ALDH1L1: variants seen among roughly 807,000 people sequenced by gnomAD.
ALDH1L1 encodes the protein aldehyde dehydrogenase 1 family member L1.
Under a neutral mutation model 101.1 loss-of-function variants are expected in ALDH1L1, and 68 were observed. The observed-to-expected ratio is 0.67, with a 90% CI of 0.55 to 0.82. The LOEUF (loss-of-function observed/expected upper bound fraction) is 0.82, where lower values mean the gene tolerates loss of function less well. Among genes scored for constraint, ALDH1L1 ranks in the 40% least tolerant of loss-of-function variants. The pLI is 0.00. For synonymous variants in ALDH1L1, 486 were observed against 470.8 expected, an observed-to-expected ratio of 1.03 and a Z score of -0.42; for missense variants, 1,087 against 1,172.7, an observed-to-expected ratio of 0.93 and a Z score of 1.07.
At chr3:126,135,701 C>T in intron 11 of ALDH1L1, 39 bp from the exon 12 acceptor site, 1 of 1,479,558 alleles carries the variant, frequency 6.8e-7, no homozygotes. Flanking sequence ...TCTCCCTAAG[C>T]CAGTTGCACA....
chr3:126,122,919 G>A (rs1415678523), intron 16 of ALDH1L1, among the ~76,000 whole-genome samples: 1 of 152,132 alleles, frequency 6.6e-6, no homozygotes, highest in African/African-American at 2.4e-5. Context: ...AAAAAGACAG[G>A]AGATTCATAG....
rs373953914 is a variant in ALDH1L1, at chr3:126,136,818, G to A, written c.1290C>T (p.Phe430=). Residue 430 remains phenylalanine (F), a synonymous_variant, in exon 11 of 23, where the codon TTC becomes TTT. Transcript: ENST00000393434. ...AGGTCTTGGCGCCCTCGGCATCCAC[G>A]AACTCCCCCCCAATGAAGAGCTGGT... is the stretch of plus-strand genomic sequence containing the variant. ...MPHQLFIGGE[F]VDAEGAKTSE... The A allele has an allele frequency of 7.5e-5, 121 of 1,606,848 alleles. No individual in the cohort carries two copies. The highest frequency in any genetic ancestry group is 5.6e-4 in the East Asian group (25 of 44,760).
chr3:126,123,694 AG>A (rs1172574325), intron 16 of ALDH1L1, among the ~76,000 whole-genome samples: 1 of 152,100 alleles, frequency 6.6e-6, no homozygotes, highest in Admixed American at 6.5e-5. Context: ...AATAAAAGCA[AG>A]GGGGAAACTA....
intron 9 of ALDH1L1, among the ~76,000 whole-genome samples, chr3:126,139,619 C>T (rs936293789): frequency 6.6e-6 from 1 of 152,068 alleles, no homozygotes; most frequent in Non-Finnish European, 1.5e-5. Context: ...TGTCAAATGC[C>T]TTAAATATGT....
At chr3:126,117,830 G>GGGCTCCGCCCAGGCCTCCCCA (rs2080001415) in intron 17 of ALDH1L1, among the ~76,000 whole-genome samples, 175 bp downstream of exon 17, 1 of 151,926 alleles carries the variant, frequency 6.6e-6, no homozygotes, top group Non-Finnish European at 1.5e-5. Flanking sequence ...AGGCCTCCCC[G>GGGCTCCGCCCAGGCCTCCCCA]GGGCTTTGCC....
chr3:126,138,841 C>T (rs1431486714), intron 9 of ALDH1L1, among the ~76,000 whole-genome samples: 1 of 152,218 alleles, frequency 6.6e-6, no homozygotes, highest in Non-Finnish European at 1.5e-5. Context: ...AAAAATGTAT[C>T]CCCTTATCTA....
Position 126,118,116 on chromosome 3 carries a change from G to A in ALDH1L1, c.1889-18C>T. 1 of 1,599,304 alleles carries A rather than the reference G, an allele frequency of 6.3e-7. No individual in the cohort carries two copies. The highest frequency in any genetic ancestry group is 8.6e-7 in the Non-Finnish European group (1 of 1,169,010). ...CAGGGAGCCTGTGGGCGGGAGGGAGGGGGGAATCAGAGTGGTCCCCCTGGT... is the reference window on the plus strand; with the variant it reads ...CAGGGAGCCTGTGGGCGGGAGGGAGAGGGGAATCAGAGTGGTCCCCCTGGT... On this transcript the variant is annotated intron_variant, in intron 16 of 22. Transcript: ENST00000393434.
Position 126,135,522 on chromosome 3 carries a change from G to T in ALDH1L1, c.1472+13C>A. 1 of 1,603,424 alleles carries T rather than the reference G, an allele frequency of 6.2e-7. No homozygotes were observed. The highest frequency in any genetic ancestry group is 8.5e-7 in the Non-Finnish European group (1 of 1,177,248). On this transcript the variant is annotated intron_variant, in intron 12 of 22. Transcript: ENST00000393434. ...TGGTGGCAGTGGCTGGCAGGTACAT[G>T]TTGGGCTCCCACCTGTACATCAGCC...
chr3:126,149,302 C>T (rs2080761055), intron 8 of ALDH1L1, among the ~76,000 whole-genome samples: 1 of 152,244 alleles, frequency 6.6e-6, no homozygotes, highest in South Asian at 2.1e-4. Context: ...TCTCCTCTAC[C>T]AATCCTCCAT....
intron 1 of ALDH1L1, among the ~76,000 whole-genome samples, chr3:126,169,978 A>G (rs2081243719): frequency 6.6e-6 from 1 of 152,194 alleles, no homozygotes; most frequent in East Asian, 1.9e-4. Context: ...ACAGAAATCA[A>G]CTCCTGGATA....
intron 1 of ALDH1L1, among the ~76,000 whole-genome samples, chr3:126,167,602 A>C (rs1487120621): frequency 6.6e-6 from 1 of 152,024 alleles, no homozygotes; most frequent in Non-Finnish European, 1.5e-5. Context: ...TGGCTAGTGC[A>C]CCTTAAGAAA....
intron 17 of ALDH1L1, among the ~76,000 whole-genome samples, chr3:126,116,372 T>G (rs2079972320): frequency 6.6e-6 from 1 of 152,114 alleles, no homozygotes; most frequent in South Asian, 2.1e-4. Context: ...TAGCTGGGAC[T>G]ACAGGCACGT....
chr3:126,114,659 G>A lies in ALDH1L1; in HGVS notation c.1983-3C>T, dbSNP rs1180452061. On this transcript the variant is annotated splice_region_variant and splice_polypyrimidine_tract_variant and intron_variant, in intron 17 of 22. Coordinates refer to ENST00000393434, the MANE Select transcript of ALDH1L1 (RefSeq NM_012190.4). The stretch of plus-strand genomic sequence containing the variant: ...TCTTCACGTTACTTATGGCACAGCT[G>A]CAAGGAACAGAGGGCTGGTGGGGCC... The A allele has an allele frequency of 6.5e-7, 1 of 1,529,446 alleles. No individual in the cohort carries two copies. The highest frequency in any genetic ancestry group is 8.8e-7 in the Non-Finnish European group (1 of 1,138,180). 94.7% of individuals were successfully genotyped at this position (1,529,446 alleles called of 1,614,324 possible).
intron 1 of ALDH1L1, among the ~76,000 whole-genome samples, chr3:126,186,600 C>T (rs1389219961): frequency 6.6e-6 from 1 of 151,916 alleles, no homozygotes; most frequent in Non-Finnish European, 1.5e-5. Flanking sequence ...GGAGATGCGG[C>T]AACTGTGATC....
At chr3:126,183,729 G>A (rs1237763439), upstream of ALDH1L1, among the ~76,000 whole-genome samples, 1 of 152,132 alleles carries the variant, frequency 6.6e-6, no homozygotes. Context: ...GGGGGGAGGC[G>A]CAGTTAATTT....
In ALDH1L1 at chr3:126,108,970, A is replaced by G. The variant is rs1011951860; in HGVS notation, c.2347+974T>C. Among the ~76,000 whole-genome samples the G allele has an allele frequency of 1.6e-4, 24 of 152,316 alleles. 1 individual carries two copies. Among genetic ancestry groups the G allele is most frequent in the South Asian group, 1.2e-3 (6 of 4,828 alleles). The stretch of plus-strand genomic sequence containing the variant: ...TGAATAAAGGATCAGCAGGCTCACA[A>G]GGCCACTTGGGAGGCTGCTGTGACA... On this transcript the variant is annotated intron_variant, in intron 20 of 22. Coordinates refer to ENST00000393434, the MANE Select transcript of ALDH1L1 (RefSeq NM_012190.4).
rs991006335 is a variant in ALDH1L1 at position 126,103,900 on chromosome 3, CG to C, written c.2654-55del. 5 of 1,585,446 alleles carry C rather than the reference CG, an allele frequency of 3.2e-6. No homozygotes were observed. In the African/African-American group the frequency reaches 6.7e-5, roughly 21 times the overall value. On this transcript the variant is annotated intron_variant, in intron 22 of 22. Transcript: ENST00000393434. ...CTCCCACCACAGGCAGGGCACTGCT[CG>C]GGGCTGCAAGTGTCTTATTCCTCAG...
At chr3:126,126,323 A>G (rs1399770324) in intron 14 of ALDH1L1, among the ~76,000 whole-genome samples, 1 of 152,180 alleles carries the variant, frequency 6.6e-6, no homozygotes, top group African/African-American at 2.4e-5. Context: ...AGGGACCAGC[A>G]GGCACACTGG....
rs1163414564 is a variant in ALDH1L1, at chr3:126,132,289, C to A, written c.1473-755G>T. Among the ~76,000 whole-genome samples, 9 of 152,174 alleles carry A rather than the reference C, an allele frequency of 5.9e-5. 1 individual carries two copies. Among genetic ancestry groups the A allele is most frequent in the Admixed American group, 4.6e-4 (7 of 15,286 alleles). On this transcript the variant is annotated intron_variant, in intron 12 of 22. Transcript: ENST00000393434. Reference sequence around the variant, plus strand: ...GAGGCAAGTGTGGGACCAAAGCCTGCCAGCCGTTTCCCACACTGCTCCCCT... The same window carrying A: ...GAGGCAAGTGTGGGACCAAAGCCTGACAGCCGTTTCCCACACTGCTCCCCT...
Sources: allele counts gnomAD v4.1 joint callset (sites outside exome capture counted in the v4.1 genomes callset), GRCh38; gene constraint gnomAD v4.1.1; transcripts MANE v1.5; gene names NCBI Gene and HGNC (gene_info 2026-07-23, HGNC 2026-07-21).